The following MYO1D variants were observed in gnomAD, a reference collection of about 807,000 sequenced individuals.
MYO1D encodes unconventional myosin-Id.
Under a neutral mutation model 122.0 loss-of-function variants are expected in MYO1D, and 83 were observed. The observed-to-expected ratio is 0.68, with a 90% CI of 0.57 to 0.82. The LOEUF is 0.82. MYO1D is among the 40% of genes least tolerant of loss of function. MYO1D has a pLI of 0.00. For missense variants in MYO1D, 1,157 were observed against 1,269.5 expected (o/e 0.91, Z 1.35); for synonymous variants, 464 against 446.9 (o/e 1.04, Z -0.48).
chr17:32,822,720 C>T (rs1235260291), intron 1 of MYO1D, among the ~76,000 whole-genome samples: 2 of 151,136 alleles, frequency 1.3e-5, no homozygotes, highest in African/African-American at 4.8e-5. Context: ...CCGCACGGGT[C>T]GACCAGCAGA....
At chr17:32,580,225 T>G (rs2087319548) in intron 21 of MYO1D, among the ~76,000 whole-genome samples, 1 of 151,522 alleles carries the variant, frequency 6.6e-6, no homozygotes, top group South Asian at 2.1e-4. Flanking sequence ...TTGCTTTAGA[T>G]TTTTTCACAG....
intron 21 of MYO1D, among the ~76,000 whole-genome samples, chr17:32,522,324 CCA>C (rs1423725568): frequency 6.6e-6 from 1 of 152,152 alleles, no homozygotes; most frequent in Non-Finnish European, 1.5e-5. Context: ...TGAGTTGAAA[CCA>C]CAGAGTTCAG....
intron 21 of MYO1D, among the ~76,000 whole-genome samples, chr17:32,555,754 G>A (rs925322805): frequency 4.6e-5 from 7 of 152,068 alleles, no homozygotes; most frequent in African/African-American, 1.2e-4. Flanking sequence ...CTCACACCAC[G>A]TGCAAAGCCG....
intron 14 of MYO1D, among the ~76,000 whole-genome samples, chr17:32,735,200 A>T (rs2089686807): frequency 6.6e-6 from 1 of 150,686 alleles, no homozygotes; most frequent in African/African-American, 2.4e-5. Flanking sequence ...TTATTTTATT[A>T]TTTTTTTGAG....
intron 14 of MYO1D, 24 bp from the exon 15 acceptor site, chr17:32,721,213 G>GT (rs768437449): frequency 8.1e-6 from 13 of 1,607,804 alleles, no homozygotes; most frequent in Middle Eastern, 1.7e-4. Context: ...TCAGCAAATG[G>GT]TAAGTTTCAC....
At chr17:32,677,588 T>G (rs1026418568) in intron 16 of MYO1D, among the ~76,000 whole-genome samples, 2 of 13,350 alleles carry the variant, frequency 1.5e-4, no homozygotes, top group Non-Finnish European at 3.6e-4. Context: ...TAAATATATA[T>G]ATATATATAT....
intron 20 of MYO1D, among the ~76,000 whole-genome samples, chr17:32,631,770 G>A (rs2088010450): frequency 6.6e-6 from 1 of 152,130 alleles, no homozygotes; most frequent in Non-Finnish European, 1.5e-5. Flanking sequence ...GAAGGAGAAT[G>A]TCCTTATTCT....
At chr17:32,562,633 C>T (rs1433637576) in intron 21 of MYO1D, among the ~76,000 whole-genome samples, 1 of 152,026 alleles carries the variant, frequency 6.6e-6, no homozygotes, top group African/African-American at 2.4e-5. Context: ...CAGGTGCGTG[C>T]CACCAGGCCC....
intron 20 of MYO1D, among the ~76,000 whole-genome samples, chr17:32,626,183 C>T (rs1439958507): frequency 6.6e-6 from 1 of 152,198 alleles, no homozygotes; most frequent in Non-Finnish European, 1.5e-5. Context: ...ACCACCAGTG[C>T]CTGCCAAATG....
rs150571429 is a variant in MYO1D at position 32,828,294 on chromosome 17, A to C, written c.96-47510T>G. On this transcript the variant is annotated intron_variant, in intron 1 of 21. Transcript: ENST00000318217. ...CACTTTGGGAGGCCGAGTCGGGCGG[A>C]TCACCAGGTCAGGAGATCGAGATCA... is the stretch of plus-strand genomic sequence containing the variant. Among the ~76,000 whole-genome samples, 42 of 152,228 alleles carry C rather than the reference A, an allele frequency of 2.8e-4. 1 individual carries two copies. The highest frequency in any genetic ancestry group is 9.9e-4 in the African/African-American group (41 of 41,546).
At chr17:32,678,063 T>C (rs758896928) in intron 16 of MYO1D, among the ~76,000 whole-genome samples, 69 of 152,240 alleles carry the variant, frequency 4.5e-4, no homozygotes, top group Non-Finnish European at 2.9e-4. Context: ...ATGGACACTA[T>C]GGTGAAACTG....
chr17:32,875,555 A>G (rs1247521476), intron 1 of MYO1D, among the ~76,000 whole-genome samples: 1 of 152,216 alleles, frequency 6.6e-6, no homozygotes, highest in Non-Finnish European at 1.5e-5. Flanking sequence ...AATCACTATG[A>G]TAATGGGTAT....
chr17:32,643,462 CT>C (rs1281066814), intron 19 of MYO1D, among the ~76,000 whole-genome samples: 4 of 152,158 alleles, frequency 2.6e-5, no homozygotes, highest in Non-Finnish European at 5.9e-5. Flanking sequence ...AGGATTCCCT[CT>C]TTTTCTATTG....
chr17:32,500,625 A>G (rs1056447101), intron 21 of MYO1D, among the ~76,000 whole-genome samples: 12 of 152,178 alleles, frequency 7.9e-5, no homozygotes, highest in Admixed American at 2.6e-4. Flanking sequence ...GGGCAAGAAG[A>G]ACCAGCCTTC....
intron 16 of MYO1D, among the ~76,000 whole-genome samples, chr17:32,690,185 C>CTT (rs1202005031): frequency 5.0e-5 from 7 of 141,160 alleles, no homozygotes; most frequent in Admixed American, 7.1e-5. Context: ...GAGTGTTTAT[C>CTT]TTTTTTTTTT....
At chr17:32,553,773 T>G (rs543311942) in intron 21 of MYO1D, among the ~76,000 whole-genome samples, 1 of 152,312 alleles carries the variant, frequency 6.6e-6, no homozygotes, top group East Asian at 1.9e-4. Context: ...GTTTTTCTTC[T>G]TCTTCTCCAC....
intron 21 of MYO1D, among the ~76,000 whole-genome samples, chr17:32,508,924 T>A (rs997887025): frequency 2.0e-5 from 3 of 152,210 alleles, no homozygotes; most frequent in African/African-American, 4.8e-5. Context: ...TATCAACAGC[T>A]CCTCGTGCAG....
At chr17:32,523,730 G>A (rs1435257434) in intron 21 of MYO1D, among the ~76,000 whole-genome samples, 1 of 147,952 alleles carries the variant, frequency 6.8e-6, no homozygotes, top group Non-Finnish European at 1.5e-5. Flanking sequence ...AGTTGAGGCT[G>A]CAGTGAACGG....
At chr17:32,759,183 A>G (rs940113955) in intron 10 of MYO1D, among the ~76,000 whole-genome samples, 6 of 152,140 alleles carry the variant, frequency 3.9e-5, no homozygotes, top group African/African-American at 1.4e-4. Context: ...AAGTCAAACT[A>G]TAGATAATTC....
Sources: gnomAD v4.1 joint callset for allele counts (sites outside exome capture counted in the v4.1 genomes callset) on GRCh38, gnomAD v4.1.1 for gene constraint, MANE v1.5 for transcripts, NCBI Gene and HGNC (gene_info 2026-07-23, HGNC 2026-07-21) for gene names.